LRRC7: variants seen among roughly 807,000 people sequenced by gnomAD.
LRRC7 encodes the protein leucine-rich repeat-containing protein 7.
A neutral mutation model predicts 175.7 loss-of-function variants in LRRC7; 23 were observed. The observed-to-expected ratio is 0.13, with a 90% confidence interval of 0.09 to 0.19. LRRC7 has a LOEUF of 0.19. Ranked by LOEUF, LRRC7 falls within the 10% of genes least tolerant of loss-of-function variation. LRRC7 has a pLI of 1.00. For missense variants in LRRC7, 1,354 were observed against 1,904.7 expected (o/e 0.71, Z 5.38); for synonymous variants, 685 against 680.9 (o/e 1.01, Z -0.09).
In LRRC7 at chr1:69,995,403, T is replaced by A. The variant is rs569869512; in HGVS notation, c.1004+770T>A. ...AAGAATCATATAAATTCTTTTTTTTTTAATTTATTATTATTATACTTTAAG... is the reference window on the plus strand; with the variant it reads ...AAGAATCATATAAATTCTTTTTTTTATAATTTATTATTATTATACTTTAAG... On this transcript the variant is annotated intron_variant, in intron 11 of 26. Coordinates refer to ENST00000651989, the MANE Select transcript of LRRC7 (RefSeq NM_001370785.2). Among the ~76,000 whole-genome samples the A allele has an allele frequency of 2.6e-3, 402 of 152,186 alleles. 2 individuals carry two copies. The highest frequency in any genetic ancestry group is 9.2e-3 in the African/African-American group (381 of 41,562).
In LRRC7 at chr1:70,131,907, A is replaced by C. The variant is rs1666679856; in HGVS notation, c.*10020A>C. Among the ~76,000 whole-genome samples the C allele has an allele frequency of 6.6e-6, 1 of 152,240 alleles. No homozygotes were observed. Among genetic ancestry groups the C allele is most frequent in the Admixed American group, 6.5e-5 (1 of 15,282 alleles). Reference sequence around the variant, plus strand: ...AGTAAGAATATTTTAGAATAGTAAGAGTACTTTAATGAAATATTTTTAAGT... The same window carrying C: ...AGTAAGAATATTTTAGAATAGTAAGCGTACTTTAATGAAATATTTTTAAGT... On this transcript the variant is annotated 3_prime_UTR_variant, in exon 27 of 27. Coordinates refer to ENST00000651989, the MANE Select transcript of LRRC7 (RefSeq NM_001370785.2).
intron 23 of LRRC7, among the ~76,000 whole-genome samples, chr1:70,057,000 T>TGG (rs142613992): frequency 6.6e-6 from 1 of 151,656 alleles, no homozygotes; most frequent in African/African-American, 2.4e-5. Flanking sequence ...GCTTAAATGT[T>TGG]GGGGGGGGAA....
intron 22 of LRRC7, among the ~76,000 whole-genome samples, chr1:70,052,567 C>T (rs1660829492): frequency 1.3e-5 from 2 of 151,944 alleles, no homozygotes; most frequent in Non-Finnish European, 2.9e-5. Flanking sequence ...GGCATATTCT[C>T]CCAGAATCAA....
intron 1 of LRRC7, among the ~76,000 whole-genome samples, chr1:69,663,862 C>T (rs926299611): frequency 7.9e-5 from 12 of 151,426 alleles, no homozygotes; most frequent in African/African-American, 2.9e-4. Context: ...GCTGGGACTA[C>T]AGGCGCCCGC....
intron 3 of LRRC7, among the ~76,000 whole-genome samples, chr1:69,773,511 A>G (rs187816466): frequency 6.6e-6 from 1 of 152,298 alleles, no homozygotes; most frequent in Admixed American, 6.5e-5. Flanking sequence ...AAAGAGGAAT[A>G]TCACTTATAA....
chr1:69,855,504 T>G (rs1180970306), intron 7 of LRRC7, among the ~76,000 whole-genome samples: 8 of 152,192 alleles, frequency 5.3e-5, no homozygotes, highest in Non-Finnish European at 1.2e-4. Flanking sequence ...TTTGTTATAA[T>G]TTCTGTTCTT....
intron 8 of LRRC7, among the ~76,000 whole-genome samples, chr1:69,956,763 TAATAA>T (rs1366604510): frequency 6.6e-6 from 1 of 151,656 alleles, no homozygotes; most frequent in African/African-American, 2.4e-5. Context: ...TATTTAAGAA[TAATAA>T]AATAAAACAA....
intron 8 of LRRC7, among the ~76,000 whole-genome samples, chr1:69,946,375 G>A (rs759884390): frequency 2.2e-4 from 33 of 152,060 alleles, no homozygotes; most frequent in Non-Finnish European, 3.1e-4. Context: ...TTAAGCTGTC[G>A]TTGGGTGGAA....
At chr1:70,066,098 A>G (rs1227070252) in intron 23 of LRRC7, among the ~76,000 whole-genome samples, 3 of 151,958 alleles carry the variant, frequency 2.0e-5, no homozygotes, top group Non-Finnish European at 4.4e-5. Context: ...ATTTTTTTCC[A>G]GTGGTTATTT....
chr1:69,985,519 T>C (rs1362892299), intron 9 of LRRC7, among the ~76,000 whole-genome samples: 1 of 152,208 alleles, frequency 6.6e-6, no homozygotes, highest in East Asian at 1.9e-4. Context: ...ACATACCATA[T>C]ACAGTTCCGT....
intron 3 of LRRC7, among the ~76,000 whole-genome samples, chr1:69,787,315 G>A (rs576407283): frequency 7.8e-4 from 119 of 152,304 alleles, no homozygotes; most frequent in Non-Finnish European, 1.4e-3. Context: ...AGCTCTCAGA[G>A]GATCTACCAT....
chr1:69,836,747 T>C (rs1681155295), intron 6 of LRRC7, among the ~76,000 whole-genome samples: 1 of 151,810 alleles, frequency 6.6e-6, no homozygotes. Context: ...TTGAGAAGAT[T>C]TGAGACATGC....
chr1:69,858,740 A>G (rs1209550237), intron 7 of LRRC7, among the ~76,000 whole-genome samples: 1 of 152,138 alleles, frequency 6.6e-6, no homozygotes, highest in Non-Finnish European at 1.5e-5. Context: ...ATTATGAGTC[A>G]TAAGATATTT....
chr1:69,816,544 G>A (rs993609798), intron 4 of LRRC7, among the ~76,000 whole-genome samples: 9 of 152,168 alleles, frequency 5.9e-5, no homozygotes, highest in African/African-American at 2.2e-4. Context: ...TGGAAGGCCT[G>A]AAGTGTCCCA....
chr1:69,716,335 C>T, intron 2 of LRRC7: 1 of 403,116 alleles, frequency 2.5e-6, no homozygotes, highest in Non-Finnish European at 4.6e-6. Flanking sequence ...TAGCAGTTTT[C>T]ATGTTAACCT....
chr1:69,738,593 G>A (rs1409083555), intron 2 of LRRC7, among the ~76,000 whole-genome samples: 1 of 151,858 alleles, frequency 6.6e-6, no homozygotes, highest in African/African-American at 2.4e-5. Flanking sequence ...TTTATCAGTA[G>A]GCTGCTGTAT....
rs559542581 is a variant in LRRC7 at position 70,005,818 on chromosome 1, A to G, written c.1005-5979A>G. ...CATGCAGGACCTGGGCCTCTCCCCA[A>G]ACCACTGAATCATAATCTGCATTTT... On this transcript the variant is annotated intron_variant, in intron 11 of 26. Coordinates refer to ENST00000651989, the MANE Select transcript of LRRC7 (RefSeq NM_001370785.2). 2.6e-4 allele frequency among the ~76,000 whole-genome samples: 39 copies of G among 152,274 alleles called. 1 individual carries two copies. Among genetic ancestry groups the G allele is most frequent in the Admixed American group, 2.2e-3 (33 of 15,288 alleles).
chr1:70,080,934 G>A (rs889259518), intron 24 of LRRC7, among the ~76,000 whole-genome samples: 5 of 152,144 alleles, frequency 3.3e-5, no homozygotes, highest in African/African-American at 9.7e-5. Context: ...GTGTCCCAGT[G>A]TAACTGAAGA....
In LRRC7 at chr1:70,038,552, C is replaced by T. The variant is rs771177815; in HGVS notation, c.2728C>T (p.Pro910Ser). The T allele has an allele frequency of 1.2e-6, 2 of 1,614,080 alleles. No homozygotes were observed. The highest frequency in any genetic ancestry group is 1.7e-6 in the Non-Finnish European group (2 of 1,179,992). Residue 910 changes from proline (P) to serine (S), a missense_variant, in exon 21 of 27, where the codon CCT becomes TCT. This residue lies in a region of LRRC7 where 1,032 missense variants were observed against 1,227.2 expected (regional missense o/e 0.84). Coordinates refer to ENST00000651989, the MANE Select transcript of LRRC7 (RefSeq NM_001370785.2). ...LETTPTTSPL[P>S]ERKEHIKEST... ...GACAACCCCCACTACCAGCCCATTG[C>T]CTGAAAGGAAAGAACATATAAAGGA...
Sources: gnomAD v4.1 joint callset for allele counts (sites outside exome capture counted in the v4.1 genomes callset) on GRCh38, gnomAD v4.1.1 for gene constraint, gnomAD v4.1.1 regional missense constraint, MANE v1.5 for transcripts, NCBI Gene and HGNC (gene_info 2026-07-23, HGNC 2026-07-21) for gene names.